ABCB4: variants seen among roughly 807,000 people sequenced by gnomAD.
The protein encoded by ABCB4 is ATP binding cassette subfamily B member 4.
A neutral mutation model predicts 145.7 loss-of-function variants in ABCB4; 76 were observed. The ratio of observed to expected loss-of-function variants is 0.52; its 90% CI spans 0.43 to 0.63. The LOEUF (loss-of-function observed/expected upper bound fraction) is 0.63, where lower values mean the gene tolerates loss of function less well. Among genes scored for constraint, ABCB4 ranks in the 30% least tolerant of loss-of-function variants. ABCB4 has a pLI of 0.00. For synonymous variants in ABCB4, 517 were observed against 566.8 expected, an observed-to-expected ratio of 0.91 and a Z score of 1.25; for missense variants, 1,234 against 1,553.1, an observed-to-expected ratio of 0.79 and a Z score of 3.45.
chr7:87,460,831 AT>A (rs918048977), intron 4 of ABCB4, among the ~76,000 whole-genome samples: 1 of 151,932 alleles, frequency 6.6e-6, no homozygotes, highest in Non-Finnish European at 1.5e-5. Context: ...TAAGAAATAG[AT>A]TTTTAACTGA....
At chr7:87,396,690 TA>T in the ABCB4 span, among the ~76,000 whole-genome samples, 280 of 148,912 alleles carry the variant, frequency 1.9e-3, 2 homozygotes, top group African/African-American at 6.0e-3. Flanking sequence ...ATGCTGATTG[TA>T]AAAAAAAAAA....
In ABCB4 at chr7:87,408,170, A is replaced by T. The variant is rs773177743; in HGVS notation, c.3146T>A (p.Val1049Glu). The change falls in exon 25 of 28, where the codon GTG becomes GAG. Residue 1049 changes from valine to glutamate, a missense_variant. Physicochemically the swap from Val to Glu is moderately radical, Grantham distance 121. This residue lies in a region of ABCB4 where 301 missense variants were observed against 389.0 expected (regional missense o/e 0.77). Transcript: ENST00000649586. ...CAGGCTCAGCCCCTGAAGCACTGGC[A>T]CGTTTGCTCGGGTGGGATAGTTGAA... ...VVFNYPTRAN[V>E]PVLQGLSLEV... 5.6e-6 allele frequency: 9 copies of T among 1,614,212 alleles called. 1 individual carries two copies. The highest frequency in any genetic ancestry group is 1.3e-5 in the African/African-American group (1 of 75,056).
chr7:87,467,016 A>G (rs1477110317), intron 3 of ABCB4, among the ~76,000 whole-genome samples: 1 of 152,206 alleles, frequency 6.6e-6, no homozygotes, highest in East Asian at 1.9e-4. Context: ...ACCAGCTAAA[A>G]TCATAATGAC....
At chr7:87,442,231 G>T (rs1811038582) in intron 12 of ABCB4, among the ~76,000 whole-genome samples, 1 of 151,660 alleles carries the variant, frequency 6.6e-6, no homozygotes, top group East Asian at 1.9e-4. Flanking sequence ...AATGAGAATG[G>T]GCCTATGTTC....
chr7:87,405,754 C>T (rs1243572100), intron 26 of ABCB4, among the ~76,000 whole-genome samples: 1 of 152,026 alleles, frequency 6.6e-6, no homozygotes, highest in African/African-American at 2.4e-5. Flanking sequence ...TCTATGAATC[C>T]CCATCTGCAA....
In ABCB4 at chr7:87,444,815, T is replaced by C. The variant is rs565438256; in HGVS notation, c.1119+47A>G. The stretch of plus-strand genomic sequence containing the variant: ...TGCAAACTAAAGCCAGATTTAATTA[T>C]ACAAGCTCAAAGACTTCTTTTGGCA... On this transcript the variant is annotated intron_variant, in intron 10 of 27. Transcript: ENST00000649586. The C allele has an allele frequency of 3.0e-5, 42 of 1,419,920 alleles. No homozygotes were observed. The South Asian group carries it at 3.6e-4, about 12-fold the overall frequency. The allele number at this position is 1,419,920 out of a possible 1,614,324, so 88.0% of individuals were successfully genotyped here.
chr7:87,449,040 T>C (rs1811531175), intron 8 of ABCB4, among the ~76,000 whole-genome samples: 1 of 152,194 alleles, frequency 6.6e-6, no homozygotes, highest in Non-Finnish European at 1.5e-5. Flanking sequence ...TGTATTCTTA[T>C]CCCCAAACTC....
At chr7:87,382,495 C>T in the ABCB4 span, 98 of 1,613,744 alleles carry the variant, frequency 6.1e-5, no homozygotes, top group Non-Finnish European at 7.7e-5. Context: ...CACCCGGATA[C>T]GTTTATTCAG....
intron 3 of ABCB4, among the ~76,000 whole-genome samples, chr7:87,463,886 T>C (rs975795324): frequency 6.6e-6 from 1 of 152,228 alleles, no homozygotes; most frequent in Non-Finnish European, 1.5e-5. Flanking sequence ...TCCTCTTCCA[T>C]TTCTCACCTT....
At position 87,465,894 on chromosome 7, in the gene ABCB4, T is replaced by C. The variant is rs141245614; in HGVS notation, c.136-2986A>G. Among the ~76,000 whole-genome samples the C allele has an allele frequency of 6.5e-3, 992 of 152,192 alleles. 12 individuals are homozygous for C. The highest frequency in any genetic ancestry group is 5.0e-3 in the Non-Finnish European group (339 of 68,016). ...GAAAGGACATCCACGCCAAAACCCA[T>C]CTGTACGTCACCATCATCAAAAACC... On this transcript the variant is annotated intron_variant, in intron 3 of 27. Coordinates refer to ENST00000649586, the MANE Select transcript of ABCB4 (RefSeq NM_000443.4).
chr7:87,449,101 A>G (rs1811535430), intron 8 of ABCB4, among the ~76,000 whole-genome samples: 1 of 152,188 alleles, frequency 6.6e-6, no homozygotes, highest in Admixed American at 6.5e-5. Flanking sequence ...TATGTCAATC[A>G]TGCCTTGATA....
At chr7:87,450,220 A>G in intron 7 of ABCB4, 128 bp from the exon 8 acceptor site, 1 of 1,312,932 alleles carries the variant, frequency 7.6e-7, no homozygotes, top group South Asian at 1.2e-5. Flanking sequence ...TCATGTAGCA[A>G]ATGCCAGTGT....
At chr7:87,369,246 T>C in the ABCB4 span, 2 of 542,094 alleles carry the variant, frequency 3.7e-6, no homozygotes, top group Non-Finnish European at 6.7e-6. Context: ...TTTTGTTATG[T>C]GATATATTTG....
At chr7:87,452,782 C>T in intron 6 of ABCB4, 162 bp downstream of exon 6, 2 of 809,542 alleles carry the variant, frequency 2.5e-6, no homozygotes, top group South Asian at 1.6e-5. Flanking sequence ...CATGCAATGG[C>T]ATAGGCTATA....
intron 14 of ABCB4, among the ~76,000 whole-genome samples, chr7:87,433,677 T>TG (rs201829424): frequency 3.6e-4 from 53 of 145,840 alleles, no homozygotes; most frequent in African/African-American, 1.1e-3. Context: ...TTGTTGTTGT[T>TG]TTTTTTTTTT....
chr7:87,408,604 G>A (rs1022647828), intron 24 of ABCB4, among the ~76,000 whole-genome samples: 2 of 152,236 alleles, frequency 1.3e-5, no homozygotes, highest in Non-Finnish European at 2.9e-5. Context: ...GTTTCAGTGG[G>A]CAGCCCTGAT....
intron 4 of ABCB4, among the ~76,000 whole-genome samples, chr7:87,460,122 C>T (rs1438884032): frequency 6.6e-6 from 1 of 152,128 alleles, no homozygotes; most frequent in Non-Finnish European, 1.5e-5. Context: ...CCCAGCTCCG[C>T]ATCTGGAAGG....
chr7:87,419,954 GA>G (rs1809298553), intron 19 of ABCB4, 43 bp downstream of exon 19: 3 of 1,571,100 alleles, frequency 1.9e-6, no homozygotes, highest in East Asian at 4.5e-5. Flanking sequence ...TAATATGGAA[GA>G]AATGTGAAAG....
chr7:87,468,408 A>G (rs1195655494), intron 3 of ABCB4, among the ~76,000 whole-genome samples: 1 of 149,642 alleles, frequency 6.7e-6, no homozygotes, highest in East Asian at 1.9e-4. Context: ...TACCAACCAA[A>G]AAAAGTCCAG....
Sources: allele counts gnomAD v4.1 joint callset (sites outside exome capture counted in the v4.1 genomes callset), GRCh38; gene constraint gnomAD v4.1.1; regional missense constraint gnomAD v4.1.1; transcripts MANE v1.5; gene names NCBI Gene and HGNC (gene_info 2026-07-23, HGNC 2026-07-21).